GABRB1: variants seen among roughly 807,000 people sequenced by gnomAD.
GABRB1 encodes gamma-aminobutyric acid receptor subunit beta-1.
A neutral mutation model predicts 51.6 loss-of-function variants in GABRB1; 17 were observed. The observed-to-expected ratio is 0.33, with a 90% CI of 0.23 to 0.49. GABRB1 has a LOEUF of 0.49. Ranked by LOEUF, GABRB1 falls within the 20% of genes least tolerant of loss-of-function variation. The pLI is 0.99. For synonymous variants in GABRB1, 247 were observed against 218.9 expected (o/e 1.13, Z -1.14); for missense variants, 410 against 600.6 (o/e 0.68, Z 3.32).
intron 1 of GABRB1, among the ~76,000 whole-genome samples, chr4:47,026,083 G>C (rs1053444944): frequency 7.2e-5 from 11 of 151,998 alleles, no homozygotes; most frequent in Non-Finnish European, 1.5e-4. Flanking sequence ...TGAAGGCCGA[G>C]GTGGGAGGAT....
At chr4:47,422,067 A>G (rs1423980008) in intron 8 of GABRB1, among the ~76,000 whole-genome samples, 2 of 152,082 alleles carry the variant, frequency 1.3e-5, no homozygotes, top group African/African-American at 4.8e-5. Flanking sequence ...GAGGACAGAG[A>G]CTGCATCTGG....
intron 7 of GABRB1, among the ~76,000 whole-genome samples, chr4:47,404,706 GAA>G (rs1728510815): frequency 6.6e-6 from 1 of 152,056 alleles, no homozygotes; most frequent in Non-Finnish European, 1.5e-5. Flanking sequence ...ATCAATCTTT[GAA>G]CAGCCTAAGA....
chr4:47,032,349 C>T, intron 2 of GABRB1, 68 bp from the exon 3 acceptor site: 1 of 1,379,340 alleles, frequency 7.2e-7, no homozygotes, highest in Non-Finnish European at 1.0e-6. Context: ...GCTGGGAAGC[C>T]CCCAGACCCT....
chr4:47,331,879 A>C (rs920013179), intron 5 of GABRB1, among the ~76,000 whole-genome samples: 5 of 152,206 alleles, frequency 3.3e-5, no homozygotes, highest in Non-Finnish European at 7.3e-5. Flanking sequence ...GGTTTGAATG[A>C]GATTTGAACT....
intron 1 of GABRB1, among the ~76,000 whole-genome samples, chr4:47,008,728 C>T (rs1231854913): frequency 6.6e-6 from 1 of 150,500 alleles, no homozygotes; most frequent in Non-Finnish European, 1.5e-5. Flanking sequence ...ATCCACCGGC[C>T]TTGGCCTCTG....
intron 1 of GABRB1, chr4:46,994,475 T>C (rs1723910280): frequency 6.7e-6 from 1 of 148,736 alleles, no homozygotes; most frequent in African/African-American, 2.5e-5. Flanking sequence ...TGTGTGTGTG[T>C]GTGTGTGTGA....
intron 3 of GABRB1, among the ~76,000 whole-genome samples, chr4:47,123,874 T>TTATATATAA (rs1262936044): frequency 1.1e-5 from 1 of 89,716 alleles, no homozygotes; most frequent in Non-Finnish European, 2.1e-5. Flanking sequence ...GATATATATC[T>TTATATATAA]TATATATAAT....
intron 4 of GABRB1, among the ~76,000 whole-genome samples, chr4:47,276,059 G>A (rs995597845): frequency 1.3e-5 from 2 of 152,114 alleles, no homozygotes; most frequent in Non-Finnish European, 2.9e-5. Context: ...TTTGAAATAT[G>A]AGTTATCTCA....
chr4:47,225,786 A>G (rs1359644417), intron 4 of GABRB1, among the ~76,000 whole-genome samples: 1 of 152,186 alleles, frequency 6.6e-6, no homozygotes, highest in Non-Finnish European at 1.5e-5. Flanking sequence ...GAAATATTTC[A>G]GCACAAATTA....
intron 5 of GABRB1, among the ~76,000 whole-genome samples, chr4:47,362,273 T>C (rs563294234): frequency 6.6e-6 from 1 of 152,222 alleles, no homozygotes; most frequent in East Asian, 1.9e-4. Flanking sequence ...TTGGGATTGA[T>C]GGAACTAGAA....
intron 3 of GABRB1, among the ~76,000 whole-genome samples, chr4:47,122,157 A>G (rs117249576): frequency 0.01 from 1,585 of 152,270 alleles, 37 homozygotes; most frequent in East Asian, 0.056. Context: ...CTGAGCTTAT[A>G]CCTCCAAAAT....
chr4:47,399,021 A>C (rs1416920535), intron 5 of GABRB1, among the ~76,000 whole-genome samples: 1 of 152,158 alleles, frequency 6.6e-6, no homozygotes, highest in Non-Finnish European at 1.5e-5. Flanking sequence ...CAATCTCCTG[A>C]CCTCGTGATC....
intron 3 of GABRB1, among the ~76,000 whole-genome samples, chr4:47,042,450 TGTGA>T (rs200198839): frequency 0.016 from 2,164 of 137,536 alleles, 40 homozygotes; most frequent in Non-Finnish European, 0.024. Context: ...AAAATACGTG[TGTGA>T]GTATGTGCAC....
chr4:46,997,723 T>C (rs955459169), intron 1 of GABRB1, among the ~76,000 whole-genome samples: 7 of 149,976 alleles, frequency 4.7e-5, no homozygotes, highest in African/African-American at 1.7e-4. Flanking sequence ...TGTGTGTGTA[T>C]ATATATGTAT....
At chr4:47,141,624 T>C (rs1312212899) in intron 3 of GABRB1, among the ~76,000 whole-genome samples, 1 of 152,014 alleles carries the variant, frequency 6.6e-6, no homozygotes, top group Non-Finnish European at 1.5e-5. Flanking sequence ...TGAAGTTGTA[T>C]GTCTTTTTTA....
intron 5 of GABRB1, among the ~76,000 whole-genome samples, chr4:47,396,391 G>A (rs1728182408): frequency 6.6e-6 from 1 of 152,158 alleles, no homozygotes; most frequent in Non-Finnish European, 1.5e-5. Context: ...ATCAAGATGA[G>A]ATTTGGGTGG....
chr4:47,034,957 A>C (rs1725487351), intron 3 of GABRB1, among the ~76,000 whole-genome samples: 1 of 152,164 alleles, frequency 6.6e-6, no homozygotes, highest in Non-Finnish European at 1.5e-5. Flanking sequence ...ATTTAATAGA[A>C]AATTTTCATC....
intron 4 of GABRB1, among the ~76,000 whole-genome samples, chr4:47,235,885 G>C (rs1004810947): frequency 6.6e-6 from 1 of 152,042 alleles, no homozygotes; most frequent in Non-Finnish European, 1.5e-5. Context: ...CAAATCTCCA[G>C]ATATAATGAG....
chr4:47,159,855 A>G (rs1420905313), intron 3 of GABRB1, among the ~76,000 whole-genome samples: 1 of 152,070 alleles, frequency 6.6e-6, no homozygotes, highest in Non-Finnish European at 1.5e-5. Context: ...GTGGCAGTAC[A>G]GGAACACTGT....
Sources: allele counts gnomAD v4.1 joint callset (sites outside exome capture counted in the v4.1 genomes callset), GRCh38; gene constraint gnomAD v4.1.1; transcripts MANE v1.5; gene names NCBI Gene and HGNC (gene_info 2026-07-23, HGNC 2026-07-21).